The following NEGR1 variants were observed in gnomAD, a reference collection of about 807,000 sequenced individuals.
NEGR1 encodes neuronal growth regulator 1.
A neutral mutation model predicts 40.9 loss-of-function variants in NEGR1; 10 were observed. That is an observed-to-expected ratio of 0.24 (90% CI 0.15 to 0.42). NEGR1 has a LOEUF of 0.42. Ranked by LOEUF, NEGR1 falls within the 10% of genes least tolerant of loss-of-function variation. The pLI, the probability that NEGR1 is intolerant of heterozygous loss-of-function variation, is 1.00. For missense variants in NEGR1, 352 were observed against 438.9 expected (o/e 0.80, Z 1.77); for synonymous variants, 185 against 166.8 (o/e 1.11, Z -0.84).
chr1:72,006,200 T>C (rs1196276575), intron 1 of NEGR1, among the ~76,000 whole-genome samples: 1 of 152,202 alleles, frequency 6.6e-6, no homozygotes, highest in Non-Finnish European at 1.5e-5. Context: ...ATTTTCCTAA[T>C]GCACTTTGGC....
intron 1 of NEGR1, among the ~76,000 whole-genome samples, chr1:71,999,973 T>A (rs926889439): frequency 2.6e-5 from 4 of 151,872 alleles, no homozygotes; most frequent in African/African-American, 9.7e-5. Flanking sequence ...TACCCATATT[T>A]GAGCCTCTAT....
chr1:72,012,832 T>C (rs374179258), intron 1 of NEGR1, among the ~76,000 whole-genome samples: 31 of 129,810 alleles, frequency 2.4e-4, no homozygotes, highest in South Asian at 1.2e-3. Context: ...CACACACACA[T>C]ATATACATAC....
intron 2 of NEGR1, among the ~76,000 whole-genome samples, chr1:71,807,795 G>T (rs1229965148): frequency 1.3e-5 from 2 of 152,098 alleles, no homozygotes; most frequent in African/African-American, 4.8e-5. Context: ...AAGCTCATCT[G>T]CAACTGAGAG....
At chr1:71,666,718 T>G (rs1652254994) in intron 4 of NEGR1, among the ~76,000 whole-genome samples, 1 of 152,208 alleles carries the variant, frequency 6.6e-6, no homozygotes, top group Admixed American at 6.5e-5. Context: ...GATCTTGTTG[T>G]TTCTCCAAAG....
At chr1:71,501,396 G>C (rs1354594414) in intron 6 of NEGR1, among the ~76,000 whole-genome samples, 1 of 152,028 alleles carries the variant, frequency 6.6e-6, no homozygotes, top group East Asian at 1.9e-4. Context: ...ACAATTTGGG[G>C]TCTGAAAGAT....
chr1:71,578,178 T>G (rs141446438), intron 6 of NEGR1, among the ~76,000 whole-genome samples: 1,628 of 152,264 alleles, frequency 0.011, 13 homozygotes, highest in Non-Finnish European at 0.016. Flanking sequence ...ATGCTGGATT[T>G]GTGTTAAGCC....
intron 1 of NEGR1, among the ~76,000 whole-genome samples, chr1:72,278,729 T>G (rs1213133232): frequency 1.3e-5 from 2 of 151,926 alleles, no homozygotes; most frequent in Non-Finnish European, 2.9e-5. Context: ...GTTCACAAAA[T>G]GCAACTCAAA....
intron 1 of NEGR1, among the ~76,000 whole-genome samples, chr1:72,098,625 A>C (rs1310656492): frequency 6.6e-6 from 1 of 152,142 alleles, no homozygotes; most frequent in African/African-American, 2.4e-5. Context: ...ACAGACAGTA[A>C]AATCTCTAAA....
chr1:72,224,582 C>T lies in NEGR1; in HGVS notation c.176+57737G>A, dbSNP rs532747864. On this transcript the variant is annotated intron_variant, in intron 1 of 6. Coordinates refer to ENST00000357731, the MANE Select transcript of NEGR1 (RefSeq NM_173808.3). ...TCTTATTCATTGTAAGCTTGCATGT[C>T]GGAATGCATGGCCAAGCTTAAATAA... 6.0e-4 allele frequency among the ~76,000 whole-genome samples: 92 copies of T among 152,182 alleles called. 1 individual carries two copies. Among genetic ancestry groups the T allele is most frequent in the African/African-American group, 2.1e-3 (88 of 41,556 alleles).
At chr1:71,633,500 A>G (rs1268736311) in intron 4 of NEGR1, among the ~76,000 whole-genome samples, 2 of 152,116 alleles carry the variant, frequency 1.3e-5, no homozygotes, top group Non-Finnish European at 2.9e-5. Flanking sequence ...AATTCAGTTC[A>G]GAAGTCAAGG....
chr1:71,758,489 G>A (rs1418968962), intron 3 of NEGR1, among the ~76,000 whole-genome samples: 1 of 151,954 alleles, frequency 6.6e-6, no homozygotes, highest in Non-Finnish European at 1.5e-5. Flanking sequence ...ATAATTAAAA[G>A]TTTAACACAG....
At chr1:72,053,448 T>C (rs1647081316) in intron 1 of NEGR1, among the ~76,000 whole-genome samples, 1 of 151,106 alleles carries the variant, frequency 6.6e-6, no homozygotes. Flanking sequence ...TCTTAGCCTA[T>C]ATATAGGAAA....
intron 1 of NEGR1, among the ~76,000 whole-genome samples, chr1:72,020,580 A>T (rs1434312226): frequency 1.3e-5 from 2 of 149,292 alleles, no homozygotes; most frequent in Admixed American, 1.3e-4. Context: ...GAACACTGGA[A>T]GTTAAAAGTC....
intron 1 of NEGR1, among the ~76,000 whole-genome samples, chr1:72,236,345 T>C (rs1240357481): frequency 2.0e-5 from 3 of 151,864 alleles, no homozygotes; most frequent in African/African-American, 4.8e-5. Context: ...AACAAGTTGA[T>C]AGGTGCAGCA....
chr1:71,905,740 T>G (rs1661257644), intron 2 of NEGR1, among the ~76,000 whole-genome samples: 1 of 152,026 alleles, frequency 6.6e-6, no homozygotes. Flanking sequence ...ATAAAACTGC[T>G]TTCCAAAGAA....
At chr1:71,683,600 C>T (rs534855648) in intron 4 of NEGR1, among the ~76,000 whole-genome samples, 1 of 151,870 alleles carries the variant, frequency 6.6e-6, no homozygotes, top group Non-Finnish European at 1.5e-5. Flanking sequence ...TTTTTTTTAA[C>T]TTCTCAAGAT....
intron 1 of NEGR1, among the ~76,000 whole-genome samples, chr1:72,280,102 C>T (rs888228906): frequency 2.0e-5 from 3 of 152,064 alleles, no homozygotes; most frequent in Non-Finnish European, 2.9e-5. Context: ...TCACAAAATG[C>T]GGGATATAGC....
chr1:71,425,857 A>G (rs1409697667), intron 6 of NEGR1, among the ~76,000 whole-genome samples: 2 of 152,216 alleles, frequency 1.3e-5, no homozygotes, highest in East Asian at 3.8e-4. Context: ...CTCACAATCC[A>G]TAAAGCAAAA....
At chr1:72,118,420 T>C (rs1649663501) in intron 1 of NEGR1, among the ~76,000 whole-genome samples, 1 of 151,776 alleles carries the variant, frequency 6.6e-6, no homozygotes, top group African/African-American at 2.4e-5. Context: ...ACTGAGAAAC[T>C]GAGTTAAATG....
Sources: allele counts gnomAD v4.1 joint callset (sites outside exome capture counted in the v4.1 genomes callset), GRCh38; gene constraint gnomAD v4.1.1; transcripts MANE v1.5; gene names NCBI Gene and HGNC (gene_info 2026-07-23, HGNC 2026-07-21).